Variants in SMC5 observed in about 807,000 individuals in gnomAD.
The protein encoded by SMC5 is structural maintenance of chromosomes protein 5.
Under a neutral mutation model 148.3 loss-of-function variants are expected in SMC5, and 88 were observed. The ratio of observed to expected loss-of-function variants is 0.59; its 90% CI spans 0.50 to 0.71. The LOEUF (loss-of-function observed/expected upper bound fraction) is 0.71, where lower values mean the gene tolerates loss of function less well. Ranked by LOEUF, SMC5 falls within the 30% of genes least tolerant of loss-of-function variation. SMC5 has a pLI of 0.00. For synonymous variants in SMC5, 421 were observed against 432.8 expected, an observed-to-expected ratio of 0.97 and a Z score of 0.34; for missense variants, 1,142 against 1,298.9, an observed-to-expected ratio of 0.88 and a Z score of 1.86.
At chr9:70,308,304 T>G (rs1016104254) in intron 11 of SMC5, among the ~76,000 whole-genome samples, 5 of 152,008 alleles carry the variant, frequency 3.3e-5, no homozygotes, top group Non-Finnish European at 7.4e-5. Context: ...CTGAAAATAG[T>G]TTAAGAATTA....
chr9:70,346,617 A>G lies in SMC5; in HGVS notation c.2536A>G (p.Ile846Val), dbSNP rs1194160162. The change falls in exon 19 of 25, where the codon ATT becomes GTT. Residue 846 changes from isoleucine to valine, a missense_variant. This residue lies in a region of SMC5 where 743 missense variants were observed against 835.7 expected (regional missense o/e 0.89). Transcript: ENST00000361138. ...PQEYQTQVPT[I>V]PNGHNSSLPM... ...TCTACCAATTCAGCAAGTACCCACC[A>G]TTCCAAATGGACACAACTCCTCACT... 6.2e-7 allele frequency: 1 copy of G among 1,613,902 alleles called. No individual in the cohort carries two copies. The highest frequency in any genetic ancestry group is 1.1e-5 in the South Asian group (1 of 91,084).
chr9:70,322,826 C>G (rs1447319228), intron 15 of SMC5, among the ~76,000 whole-genome samples: 2 of 152,122 alleles, frequency 1.3e-5, no homozygotes, highest in African/African-American at 4.8e-5. Context: ...AAGAATAAGA[C>G]TCCTATCTCA....
intron 22 of SMC5, 87 bp from the exon 23 acceptor site, chr9:70,350,027 T>C (rs1564076145): frequency 1.1e-6 from 1 of 905,982 alleles, no homozygotes; most frequent in Non-Finnish European, 1.6e-6. Flanking sequence ...TCTTTACTCT[T>C]ACTCAGTTAA....
intron 6 of SMC5, among the ~76,000 whole-genome samples, chr9:70,281,436 C>A (rs2034747399): frequency 6.6e-6 from 1 of 152,046 alleles, no homozygotes; most frequent in Non-Finnish European, 1.5e-5. Flanking sequence ...CATTTTAGTC[C>A]TCAACAGATA....
At chr9:70,274,307 T>C (rs2118086151) in intron 3 of SMC5, among the ~76,000 whole-genome samples, 1 of 152,256 alleles carries the variant, frequency 6.6e-6, no homozygotes, top group Non-Finnish European at 1.5e-5. Context: ...GGTCTCGATC[T>C]CCTGACCTCG....
At chr9:70,337,180 A>G (rs912897682) in intron 17 of SMC5, among the ~76,000 whole-genome samples, 19 of 152,206 alleles carry the variant, frequency 1.2e-4, no homozygotes, top group Admixed American at 3.3e-4. Flanking sequence ...TATCAACAAT[A>G]CAATATTTGA....
chr9:70,311,247 A>G (rs2035649310), intron 11 of SMC5: 1 of 152,162 alleles, frequency 6.6e-6, no homozygotes, highest in African/African-American at 2.4e-5. Flanking sequence ...CTTAGAGGCT[A>G]TTGTAGGGTT....
chr9:70,268,395 G>A (rs1047362389), intron 3 of SMC5, among the ~76,000 whole-genome samples: 12 of 151,984 alleles, frequency 7.9e-5, no homozygotes, highest in African/African-American at 2.7e-4. Flanking sequence ...GCAGTGAGCC[G>A]AGATGGCGCC....
intron 1 of SMC5, among the ~76,000 whole-genome samples, chr9:70,263,743 C>T (rs565156972): frequency 6.6e-6 from 1 of 152,134 alleles, no homozygotes; most frequent in Non-Finnish European, 1.5e-5. Context: ...CCTCAGGCTC[C>T]CTGGTAGCTG....
intron 8 of SMC5, among the ~76,000 whole-genome samples, chr9:70,297,220 TG>T (rs1272113014): frequency 1.3e-5 from 2 of 152,232 alleles, no homozygotes; most frequent in South Asian, 2.1e-4. Context: ...TTTTAAATGA[TG>T]TTTTTAATAA....
Position 70,324,986 on chromosome 9 carries a change from A to G in SMC5, c.2397+843A>G, listed in dbSNP as rs566417239. On this transcript the variant is annotated intron_variant, in intron 17 of 24. Coordinates refer to ENST00000361138, the MANE Select transcript of SMC5 (RefSeq NM_015110.4). ...CCTGGTTCACCAACCAGTGGGCCCT[A>G]CCAGGCTTCAGTACTCGGGTTTCTT... is the stretch of plus-strand genomic sequence containing the variant. Among the ~76,000 whole-genome samples the G allele has an allele frequency of 4.6e-5, 7 of 152,232 alleles. No homozygotes were observed. In the South Asian group the frequency reaches 1.5e-3, roughly 32 times the overall value.
intron 17 of SMC5, among the ~76,000 whole-genome samples, chr9:70,343,109 G>A (rs1476096913): frequency 6.6e-6 from 1 of 151,218 alleles, no homozygotes; most frequent in Non-Finnish European, 1.5e-5. Context: ...CTAACTAAAT[G>A]TGTGGGCTTG....
intron 18 of SMC5, 160 bp downstream of exon 18, chr9:70,344,429 A>G (rs550085323): frequency 6.0e-4 from 179 of 299,574 alleles, no homozygotes; most frequent in Non-Finnish European, 9.0e-4. Flanking sequence ...TATATAAAAT[A>G]ATGTTGCTTA....
rs528474534 is a variant in SMC5 at position 70,353,102 on chromosome 9, T to C, written c.*771T>C. 6.6e-6 allele frequency: 1 copy of C among 151,954 alleles called. No homozygotes were observed. Among genetic ancestry groups the C allele is most frequent in the African/African-American group, 2.4e-5 (1 of 41,430 alleles). 9.4% of individuals were successfully genotyped at this position (151,954 alleles called of 1,614,324 possible). A position where few individuals can be genotyped will look rare whatever the true frequency, so the allele number is the denominator to read the frequency against. ...TGTGGGGGCAGGGGTTGCTTTTTTT[T>C]ATTTTATTTAAAGTCAATTATATTT... On this transcript the variant is annotated 3_prime_UTR_variant, in exon 25 of 25. Transcript: ENST00000361138.
intron 3 of SMC5, among the ~76,000 whole-genome samples, chr9:70,271,643 A>G (rs907049798): frequency 1.1e-4 from 17 of 152,226 alleles, no homozygotes; most frequent in Non-Finnish European, 2.5e-4. Context: ...GCTACATAGA[A>G]AAATAAAGCA....
chr9:70,341,202 A>G lies in SMC5; in HGVS notation c.2398-2942A>G, dbSNP rs562911966. ...ATGTGAAGATCTCTATCACAAACAC[A>G]TATGTATAGAATATTTTCTCAGATA... On this transcript the variant is annotated intron_variant, in intron 17 of 24. Coordinates refer to ENST00000361138, the MANE Select transcript of SMC5 (RefSeq NM_015110.4). Among the ~76,000 whole-genome samples the G allele has an allele frequency of 9.1e-4, 139 of 152,340 alleles. 1 individual carries two copies. The highest frequency in any genetic ancestry group is 3.2e-3 in the African/African-American group (132 of 41,586).
rs1382666428 is a variant in SMC5 at position 70,344,214 on chromosome 9, C to G, written c.2468C>G (p.Ala823Gly). 2.6e-6 allele frequency: 4 copies of G among 1,554,494 alleles called. No homozygotes were observed. In the Admixed American group the frequency reaches 5.6e-5, roughly 22 times the overall value. ...LQKCKELMKR[A>G]RQVCNLGAEQ... ...AAATGCAAGGAACTTATGAAAAGAGCTAGGCAAGTATGTAACCTGGGTGCA... is the reference window on the plus strand; with the variant it reads ...AAATGCAAGGAACTTATGAAAAGAGGTAGGCAAGTATGTAACCTGGGTGCA... The change falls in exon 18 of 25, where the codon GCT becomes GGT. Residue 823 changes from alanine to glycine, a missense_variant. This residue lies in a region of SMC5 where 743 missense variants were observed against 835.7 expected (regional missense o/e 0.89). Transcript: ENST00000361138.
chr9:70,344,423 TAA>T (rs2036610138), intron 18 of SMC5, 154 bp downstream of exon 18: 6 of 286,088 alleles, frequency 2.1e-5, no homozygotes, highest in Middle Eastern at 1.2e-3. Context: ...TATATATATA[TAA>T]AATAATGTTG....
At chr9:70,265,352 G>A (rs972551902) in intron 2 of SMC5, among the ~76,000 whole-genome samples, 16 of 152,100 alleles carry the variant, frequency 1.1e-4, no homozygotes, top group African/African-American at 3.9e-4. Context: ...CCAGCTACTA[G>A]GGAGGCTGAA....
Sources: allele counts gnomAD v4.1 joint callset (sites outside exome capture counted in the v4.1 genomes callset), GRCh38; gene constraint gnomAD v4.1.1; regional missense constraint gnomAD v4.1.1; transcripts MANE v1.5; gene names NCBI Gene and HGNC (gene_info 2026-07-23, HGNC 2026-07-21).